Variants in SPTLC1 observed in about 807,000 individuals in gnomAD.
SPTLC1 encodes the protein serine palmitoyltransferase long chain base subunit 1, also known as serine palmitoyltransferase 1.
A neutral mutation model predicts 68.9 loss-of-function variants in SPTLC1; 55 were observed. The observed-to-expected ratio is 0.80, with a 90% CI of 0.64 to 1.00. The LOEUF (loss-of-function observed/expected upper bound fraction) is 1.00. SPTLC1 is among the 50% of genes least tolerant of loss of function. The pLI, the probability that SPTLC1 is intolerant of heterozygous loss-of-function variation, is 0.00. For synonymous variants in SPTLC1, 197 were observed against 201.6 expected (o/e 0.98, Z 0.19); for missense variants, 449 against 573.1 (o/e 0.78, Z 2.21).
intron 6 of SPTLC1, among the ~76,000 whole-genome samples, chr9:92,067,740 GA>G (rs1245160431): frequency 2.1e-4 from 32 of 152,192 alleles, no homozygotes; most frequent in African/African-American, 7.7e-4. Context: ...TCCTCATCTG[GA>G]CATCAATAAA....
At chr9:92,072,620 C>T (rs1455950455) in intron 5 of SPTLC1, among the ~76,000 whole-genome samples, 4 of 152,152 alleles carry the variant, frequency 2.6e-5, no homozygotes, top group African/African-American at 9.7e-5. Context: ...AAACCTCAAA[C>T]CTCTTAGCTT....
intron 3 of SPTLC1, among the ~76,000 whole-genome samples, chr9:92,082,573 C>A (rs1834926737): frequency 6.6e-6 from 1 of 151,636 alleles, no homozygotes; most frequent in African/African-American, 2.4e-5. Context: ...ATGAACTCAT[C>A]ATTTTTTATG....
At chr9:92,077,424 C>T (rs981424957) in intron 5 of SPTLC1, among the ~76,000 whole-genome samples, 1 of 152,056 alleles carries the variant, frequency 6.6e-6, no homozygotes, top group Non-Finnish European at 1.5e-5. Context: ...CTTACCTGGT[C>T]GTCTATAGTA....
chr9:92,038,482 C>A (rs1004754330), intron 12 of SPTLC1, 117 bp from the exon 13 acceptor site: 4 of 777,830 alleles, frequency 5.1e-6, no homozygotes, highest in Non-Finnish European at 4.7e-6. Context: ...CAGAAGCTTG[C>A]GACTGATGGG....
intron 14 of SPTLC1, 125 bp downstream of exon 14, chr9:92,034,685 A>G: frequency 1.2e-6 from 1 of 813,072 alleles, no homozygotes; most frequent in African/African-American, 1.7e-5. Context: ...GTAATGTACT[A>G]TATTTTAATG....
intron 3 of SPTLC1, among the ~76,000 whole-genome samples, chr9:92,107,190 C>T (rs7870339): frequency 0.11 from 16,399 of 152,080 alleles, 1,913 homozygotes; most frequent in African/African-American, 0.3. Context: ...TTCTAATCAA[C>T]GTTTATTATA....
chr9:92,110,771 T>C (rs563013749), intron 2 of SPTLC1: 2 of 152,280 alleles, frequency 1.3e-5, no homozygotes, highest in South Asian at 2.1e-4. Flanking sequence ...CTCTTAGTAT[T>C]TGCTGCCTGC....
intron 7 of SPTLC1, among the ~76,000 whole-genome samples, chr9:92,055,945 C>T (rs889285943): frequency 6.6e-6 from 1 of 152,200 alleles, no homozygotes. Context: ...TAATGAAGGT[C>T]ATCATCATGA....
chr9:92,088,735 A>G (rs1210417479), intron 3 of SPTLC1, among the ~76,000 whole-genome samples: 1 of 152,232 alleles, frequency 6.6e-6, no homozygotes, highest in Non-Finnish European at 1.5e-5. Context: ...TGATGTAGGG[A>G]TACTATTTCT....
chr9:92,057,566 G>A (rs1173806375), intron 7 of SPTLC1, among the ~76,000 whole-genome samples: 2 of 152,202 alleles, frequency 1.3e-5, no homozygotes, highest in Non-Finnish European at 2.9e-5. Flanking sequence ...AATTATTAGT[G>A]AGGCCAGGCT....
At chr9:92,033,354 G>A (rs1833037519) in intron 14 of SPTLC1, among the ~76,000 whole-genome samples, 1 of 152,206 alleles carries the variant, frequency 6.6e-6, no homozygotes, top group Non-Finnish European at 1.5e-5. Context: ...AAGTTTTCAG[G>A]AAATCAAAGA....
At chr9:92,052,068 T>C (rs1833720042) in intron 8 of SPTLC1, among the ~76,000 whole-genome samples, 1 of 152,172 alleles carries the variant, frequency 6.6e-6, no homozygotes, top group Non-Finnish European at 1.5e-5. Context: ...ATCCCAACAA[T>C]ACTTTTTACA....
chr9:92,046,057 G>C lies in SPTLC1; in HGVS notation c.1082-4C>G. The C allele has an allele frequency of 6.2e-7, 1 of 1,611,928 alleles. No individual in the cohort carries two copies. Among genetic ancestry groups the C allele is most frequent in the Non-Finnish European group, 8.5e-7 (1 of 1,178,710 alleles). On this transcript the variant is annotated splice_region_variant and splice_polypyrimidine_tract_variant and intron_variant, in intron 11 of 14. Coordinates refer to ENST00000262554, the MANE Select transcript of SPTLC1 (RefSeq NM_006415.4). ...TCCTTCAACACTGCAAAAATACCTA[G>C]ATGAAAAAAATACGTTTGAGAGTCT... is the stretch of plus-strand genomic sequence containing the variant.
chr9:92,052,590 C>G (rs1238890100), intron 8 of SPTLC1, among the ~76,000 whole-genome samples: 1 of 151,368 alleles, frequency 6.6e-6, no homozygotes, highest in Non-Finnish European at 1.5e-5. Context: ...AGTGCACTGG[C>G]GTGATCTCGG....
intron 13 of SPTLC1, among the ~76,000 whole-genome samples, chr9:92,036,590 C>T (rs1035367598): frequency 2.0e-5 from 3 of 152,168 alleles, no homozygotes; most frequent in East Asian, 1.9e-4. Context: ...CCAACACCAG[C>T]GCATGCAGCT....
At chr9:92,082,154 T>C (rs1834908179) in intron 3 of SPTLC1, among the ~76,000 whole-genome samples, 1 of 152,274 alleles carries the variant, frequency 6.6e-6, no homozygotes, top group South Asian at 2.1e-4. Context: ...GAAATTGCTA[T>C]TATGAAAGTG....
chr9:92,072,690 A>G (rs780602298), intron 5 of SPTLC1, among the ~76,000 whole-genome samples: 12 of 152,264 alleles, frequency 7.9e-5, no homozygotes, highest in Non-Finnish European at 1.5e-4. Flanking sequence ...CCTGGCCCCA[A>G]TATAAATTAG....
At chr9:92,041,912 T>TA (rs1833362968) in intron 12 of SPTLC1, among the ~76,000 whole-genome samples, 1 of 152,092 alleles carries the variant, frequency 6.6e-6, no homozygotes, top group South Asian at 2.1e-4. Context: ...TTTATGATTT[T>TA]AAAAAAAGGC....
chr9:92,096,433 C>CAAGTT (rs1458741859), intron 3 of SPTLC1, among the ~76,000 whole-genome samples: 2 of 151,998 alleles, frequency 1.3e-5, no homozygotes, highest in East Asian at 3.9e-4. Context: ...TGAATATATA[C>CAAGTT]AATTTTTATT....
Sources: allele counts gnomAD v4.1 joint callset (sites outside exome capture counted in the v4.1 genomes callset), GRCh38; gene constraint gnomAD v4.1.1; transcripts MANE v1.5; gene names NCBI Gene and HGNC (gene_info 2026-07-23, HGNC 2026-07-21).